The following NSMCE2 variants were observed in gnomAD, a reference collection of about 807,000 sequenced individuals.
NSMCE2 encodes E3 SUMO-protein ligase NSE2.
NSMCE2 carries 24 observed loss-of-function variants against 23.8 expected under a neutral mutation model. That is an observed-to-expected ratio of 1.01 (90% CI 0.73 to 1.42). The LOEUF is 1.42. Ranked by LOEUF, NSMCE2 falls within the 40% of genes most tolerant of loss-of-function variation. The pLI is 0.00. For synonymous variants in NSMCE2, 92 were observed against 94.1 expected, an observed-to-expected ratio of 0.98 and a Z score of 0.13; for missense variants, 284 against 296.5, an observed-to-expected ratio of 0.96 and a Z score of 0.31.
chr8:125,165,070 A>G (rs1346084183), intron 4 of NSMCE2, among the ~76,000 whole-genome samples: 2 of 152,220 alleles, frequency 1.3e-5, no homozygotes, highest in Non-Finnish European at 2.9e-5. Context: ...CTGCAATTGG[A>G]GTCAGAAGAC....
chr8:125,202,599 G>C (rs1823934278), intron 5 of NSMCE2, among the ~76,000 whole-genome samples: 1 of 152,064 alleles, frequency 6.6e-6, no homozygotes. Context: ...AGTTGTTTAT[G>C]GGTTAAATCA....
chr8:125,315,166 G>A (rs1042988624), intron 5 of NSMCE2, among the ~76,000 whole-genome samples: 19 of 152,022 alleles, frequency 1.2e-4, no homozygotes, highest in African/African-American at 4.3e-4. Context: ...ACAGAGAGAG[G>A]AGTTACAGGG....
chr8:125,269,559 G>C (rs1352034154), intron 5 of NSMCE2, among the ~76,000 whole-genome samples: 1 of 152,170 alleles, frequency 6.6e-6, no homozygotes, highest in Non-Finnish European at 1.5e-5. Context: ...CTTGGATGAA[G>C]AGAAGTTTTT....
chr8:125,228,928 G>A (rs192064954), intron 5 of NSMCE2, among the ~76,000 whole-genome samples: 132 of 152,286 alleles, frequency 8.7e-4, no homozygotes, highest in African/African-American at 3.2e-3. Context: ...AAGCTTATAA[G>A]AGACAGAACC....
intron 5 of NSMCE2, among the ~76,000 whole-genome samples, chr8:125,186,582 A>G (rs1359472314): frequency 6.6e-6 from 1 of 152,216 alleles, no homozygotes; most frequent in Non-Finnish European, 1.5e-5. Context: ...ACAACCATTA[A>G]TAACAAATAT....
chr8:125,359,333 T>C (rs1813427901), intron 7 of NSMCE2, among the ~76,000 whole-genome samples: 1 of 145,816 alleles, frequency 6.9e-6, no homozygotes, highest in African/African-American at 2.5e-5. Flanking sequence ...TCTTTCTCTT[T>C]TTTTTTTTTT....
intron 5 of NSMCE2, among the ~76,000 whole-genome samples, chr8:125,259,753 T>C (rs553354446): frequency 3.7e-4 from 56 of 152,354 alleles, no homozygotes; most frequent in Middle Eastern, 3.4e-3. Flanking sequence ...GTTTATTAAA[T>C]GTTGGTTTCA....
intron 5 of NSMCE2, among the ~76,000 whole-genome samples, chr8:125,352,476 C>CAA (rs1250506610): frequency 1.3e-4 from 10 of 77,880 alleles, no homozygotes; most frequent in Admixed American, 3.0e-4. Flanking sequence ...AAATCCATCT[C>CAA]AAAAAAAAAA....
In NSMCE2 at chr8:125,353,879, G is replaced by A. The variant is rs541485254; in HGVS notation, c.419-3340G>A. Among the ~76,000 whole-genome samples the A allele has an allele frequency of 1.0e-4, 15 of 144,550 alleles. No individual in the cohort carries two copies. In the East Asian group the frequency reaches 2.3e-3, roughly 22 times the overall value. The allele number at this position is 144,550 out of a possible 152,430, so 94.8% of individuals were successfully genotyped here. On this transcript the variant is annotated intron_variant, in intron 5 of 7. Coordinates refer to ENST00000287437, the MANE Select transcript of NSMCE2 (RefSeq NM_173685.4). ...GCCTGGGCGACAAGGGCAAGACTCC[G>A]TCTCAAAAACTAAAAAATAAAAAAT... is the stretch of plus-strand genomic sequence containing the variant.
intron 3 of NSMCE2, among the ~76,000 whole-genome samples, chr8:125,146,901 AC>A (rs574373515): frequency 2.1e-4 from 32 of 152,266 alleles, no homozygotes; most frequent in Middle Eastern, 3.4e-3. Context: ...TATAAAAAAA[AC>A]AAAACAAAAA....
In NSMCE2 at chr8:125,347,757, T is replaced by C. The variant is rs80266418; in HGVS notation, c.419-9462T>C. ...AATGAAAGGAGATTGGCTATGGAGATTGTGTTGGGTGGATTGAGTTGCATT... is the reference window on the plus strand; with the variant it reads ...AATGAAAGGAGATTGGCTATGGAGACTGTGTTGGGTGGATTGAGTTGCATT... On this transcript the variant is annotated intron_variant, in intron 5 of 7. Transcript: ENST00000287437. 1.6e-3 allele frequency among the ~76,000 whole-genome samples: 251 copies of C among 152,248 alleles called. 1 individual carries two copies. Among genetic ancestry groups the C allele is most frequent in the African/African-American group, 5.8e-3 (243 of 41,540 alleles).
chr8:125,093,103 A>T (rs1043708406), intron 1 of NSMCE2, among the ~76,000 whole-genome samples: 3 of 152,242 alleles, frequency 2.0e-5, no homozygotes, highest in African/African-American at 7.2e-5. Flanking sequence ...CGGAAATGCC[A>T]TAAACTAGGT....
At chr8:125,235,026 A>G (rs2130958184) in intron 5 of NSMCE2, among the ~76,000 whole-genome samples, 1 of 152,244 alleles carries the variant, frequency 6.6e-6, no homozygotes, top group East Asian at 1.9e-4. Flanking sequence ...CGGGCAGATC[A>G]CTTGAGGCCA....
intron 5 of NSMCE2, among the ~76,000 whole-genome samples, chr8:125,338,283 G>GT (rs1187058503): frequency 1.3e-5 from 1 of 77,252 alleles, no homozygotes. Flanking sequence ...GATGTTGGGT[G>GT]GAAAAAAAAA....
intron 1 of NSMCE2, among the ~76,000 whole-genome samples, chr8:125,100,532 G>C (rs1365488027): frequency 1.3e-5 from 2 of 152,094 alleles, no homozygotes; most frequent in South Asian, 2.1e-4. Flanking sequence ...CTACTCAGTG[G>C]TGAGCCCCTG....
intron 5 of NSMCE2, among the ~76,000 whole-genome samples, chr8:125,304,728 G>C (rs1191525901): frequency 2.6e-5 from 4 of 151,826 alleles, no homozygotes; most frequent in African/African-American, 9.7e-5. Context: ...ATGGTAGCAT[G>C]GGCCTGTAAT....
chr8:125,196,192 CT>C (rs1554618199), intron 5 of NSMCE2, among the ~76,000 whole-genome samples: 3,302 of 144,682 alleles, frequency 0.023, 125 homozygotes, highest in African/African-American at 0.076. Flanking sequence ...CCCTGGATAA[CT>C]TTTTTTTTTC....
intron 3 of NSMCE2, among the ~76,000 whole-genome samples, chr8:125,132,257 C>T (rs1193462746): frequency 3.3e-5 from 5 of 152,034 alleles, no homozygotes; most frequent in Non-Finnish European, 7.4e-5. Flanking sequence ...ACCATTGCAC[C>T]TGGATAATTT....
intron 5 of NSMCE2, among the ~76,000 whole-genome samples, chr8:125,345,824 C>A (rs1363500266): frequency 6.6e-6 from 1 of 152,162 alleles, no homozygotes; most frequent in East Asian, 1.9e-4. Flanking sequence ...GATACTTACT[C>A]TGGGCCAACT....
Sources: allele counts gnomAD v4.1 joint callset (sites outside exome capture counted in the v4.1 genomes callset), GRCh38; gene constraint gnomAD v4.1.1; transcripts MANE v1.5; gene names NCBI Gene and HGNC (gene_info 2026-07-23, HGNC 2026-07-21).